Variants in ANKRD55 observed in about 807,000 individuals in gnomAD.
ANKRD55 encodes ankyrin repeat domain 55, also known as ankyrin repeat domain-containing protein 55.
ANKRD55 carries 41 observed loss-of-function variants against 60.6 expected under a neutral mutation model. The observed-to-expected ratio is 0.68, with a 90% CI of 0.53 to 0.88. ANKRD55 has a LOEUF of 0.88. Ranked by LOEUF, ANKRD55 falls within the 40% of genes least tolerant of loss-of-function variation. The probability of loss-of-function intolerance (pLI) is 0.00; values close to 1 mark genes in which losing one functional copy is unlikely to be tolerated. For synonymous variants in ANKRD55, 264 were observed against 290.3 expected, an observed-to-expected ratio of 0.91 and a Z score of 0.92; for missense variants, 732 against 767.6, an observed-to-expected ratio of 0.95 and a Z score of 0.55.
At chr5:56,130,599 T>A (rs1757383636) in intron 7 of ANKRD55, among the ~76,000 whole-genome samples, 1 of 152,188 alleles carries the variant, frequency 6.6e-6, no homozygotes, top group Admixed American at 6.5e-5. Flanking sequence ...GAAAAAATTA[T>A]AAAGCATGCC....
intron 6 of ANKRD55, among the ~76,000 whole-genome samples, chr5:56,151,892 C>CACACGTATATGTGTGTATAT (rs1257856586): frequency 2.0e-5 from 3 of 147,450 alleles, no homozygotes; most frequent in African/African-American, 7.5e-5. Flanking sequence ...CATATACATA[C>CACACGTATATGTGTGTATAT]ACACGTATAT....
intron 4 of ANKRD55, among the ~76,000 whole-genome samples, chr5:56,172,206 A>G (rs1249780443): frequency 6.6e-6 from 1 of 152,166 alleles, no homozygotes; most frequent in East Asian, 1.9e-4. Flanking sequence ...GGTTTTGAAA[A>G]GTCTGGAAGG....
At chr5:56,196,503 A>G (rs1049002107) in intron 2 of ANKRD55, among the ~76,000 whole-genome samples, 2 of 152,222 alleles carry the variant, frequency 1.3e-5, no homozygotes, top group Admixed American at 1.3e-4. Flanking sequence ...TTCCCATGTT[A>G]TAGATAAGGA....
intron 8 of ANKRD55, among the ~76,000 whole-genome samples, chr5:56,124,950 G>C (rs1216047983): frequency 6.6e-6 from 1 of 152,210 alleles, no homozygotes. Context: ...GATTGGAAAG[G>C]ACTCTTCTGG....
At chr5:56,118,094 G>T (rs1201535595) in intron 8 of ANKRD55, among the ~76,000 whole-genome samples, 1 of 151,972 alleles carries the variant, frequency 6.6e-6, no homozygotes, top group Non-Finnish European at 1.5e-5. Flanking sequence ...AGTGAGCCGA[G>T]ATCATACCAC....
At chr5:56,127,547 G>A in intron 7 of ANKRD55, 1 of 985,250 alleles carries the variant, frequency 1.0e-6, no homozygotes, top group Non-Finnish European at 1.2e-6. Context: ...ACTATGATGA[G>A]TACTGATTGG....
At chr5:56,213,426 A>G (rs1759725258) in intron 2 of ANKRD55, among the ~76,000 whole-genome samples, 2 of 152,150 alleles carry the variant, frequency 1.3e-5, no homozygotes, top group South Asian at 4.1e-4. Context: ...GACATTTTAA[A>G]TACCTTAAAA....
rs1757347836 is a variant in ANKRD55 at position 56,129,189 on chromosome 5, G to A, written c.613-2083C>T. On this transcript the variant is annotated intron_variant, in intron 7 of 11. Transcript: ENST00000341048. ...AAATATGCTTAGGCCTGGGAGGTAGGGAAAGTCACAGAGACCAGGAGACAC... is the reference window on the plus strand; with the variant it reads ...AAATATGCTTAGGCCTGGGAGGTAGAGAAAGTCACAGAGACCAGGAGACAC... 2.0e-5 allele frequency among the ~76,000 whole-genome samples: 3 copies of A among 152,166 alleles called. No homozygotes were observed. In the East Asian group the frequency reaches 5.8e-4, roughly 29 times the overall value.
Position 56,166,199 on chromosome 5 carries a change from T to TTTTC in ANKRD55, c.422+4494_422+4495insGAAA, listed in dbSNP as rs1554040822. ...CTTCCTTCCTTCCTTCCTTCCTTCC[T>TTTTC]TCTCTCTCTCTCTCTCTCTTTCTTT... On this transcript the variant is annotated intron_variant, in intron 5 of 11. Coordinates refer to ENST00000341048, the MANE Select transcript of ANKRD55 (RefSeq NM_024669.3). Among the ~76,000 whole-genome samples the TTTTC allele has an allele frequency of 7.7e-4, 74 of 96,114 alleles. 9 individuals carry two copies. Among genetic ancestry groups the TTTTC allele is most frequent in the African/African-American group, 4.2e-3 (73 of 17,190 alleles). 63.1% of individuals were successfully genotyped at this position (96,114 alleles called of 152,430 possible).
At chr5:56,139,598 A>G (rs1757699384) in intron 7 of ANKRD55, among the ~76,000 whole-genome samples, 1 of 152,182 alleles carries the variant, frequency 6.6e-6, no homozygotes, top group Non-Finnish European at 1.5e-5. Context: ...GAGAGAAGGA[A>G]TCTTTATGAT....
intron 2 of ANKRD55, among the ~76,000 whole-genome samples, chr5:56,214,914 G>A (rs1759765705): frequency 6.6e-6 from 1 of 152,156 alleles, no homozygotes; most frequent in South Asian, 2.1e-4. Context: ...TAAGTGATCA[G>A]ATGGATAAAA....
rs1561264012 is a variant in ANKRD55, at chr5:56,135,298, T to TCTTGCTTG, written c.613-8193_613-8192insCAAGCAAG. On this transcript the variant is annotated intron_variant, in intron 7 of 11. Transcript: ENST00000341048. ...TCCCTCCCTGCCTGCCTGCTTGCTT[T>TCTTGCTTG]CTTTCTTTCTTTCTTTCTTTCTTTC... is the stretch of plus-strand genomic sequence containing the variant. 1.6e-3 allele frequency among the ~76,000 whole-genome samples: 51 copies of TCTTGCTTG among 31,056 alleles called. No homozygotes were observed. In the South Asian group the frequency reaches 0.023, roughly 14 times the overall value. The allele number at this position is 31,056 out of a possible 152,430, so 20.4% of individuals were successfully genotyped here.
chr5:56,152,819 A>T (rs992557218), intron 6 of ANKRD55, among the ~76,000 whole-genome samples: 3 of 152,024 alleles, frequency 2.0e-5, no homozygotes, highest in Non-Finnish European at 2.9e-5. Context: ...ACCATATATT[A>T]AAAAAAATCT....
chr5:56,148,925 A>G (rs545260066), intron 6 of ANKRD55, among the ~76,000 whole-genome samples: 21 of 152,232 alleles, frequency 1.4e-4, no homozygotes, highest in African/African-American at 5.1e-4. Flanking sequence ...GCTTTGAAGG[A>G]TCTAGAATTT....
intron 2 of ANKRD55, chr5:56,193,442 G>T (rs1397583757): frequency 1.7e-5 from 9 of 531,082 alleles, no homozygotes; most frequent in Non-Finnish European, 2.7e-5. Flanking sequence ...GAGGGTCCTG[G>T]TTGCTGTTCC....
chr5:56,157,685 TAC>T (rs1302366183), intron 6 of ANKRD55, among the ~76,000 whole-genome samples: 3 of 152,298 alleles, frequency 2.0e-5, no homozygotes, highest in South Asian at 2.1e-4. Flanking sequence ...TTGTTTATGA[TAC>T]AGAGACATTT....
intron 6 of ANKRD55, among the ~76,000 whole-genome samples, chr5:56,159,620 T>G (rs1322120945): frequency 6.6e-6 from 1 of 152,208 alleles, no homozygotes; most frequent in Non-Finnish European, 1.5e-5. Flanking sequence ...TGCAATAAAG[T>G]CCTTCCCTAT....
chr5:56,191,549 G>A (rs1759092699), intron 2 of ANKRD55, among the ~76,000 whole-genome samples: 1 of 152,136 alleles, frequency 6.6e-6, no homozygotes, highest in African/African-American at 2.4e-5. Flanking sequence ...GTTAGAAATA[G>A]CAGTGGGTGA....
At chr5:56,108,814 G>A (rs1161303657) in intron 10 of ANKRD55, among the ~76,000 whole-genome samples, 1 of 152,136 alleles carries the variant, frequency 6.6e-6, no homozygotes, top group Admixed American at 6.5e-5. Context: ...CGAGGCGGAC[G>A]GATCACGAGG....
Sources: gnomAD v4.1 joint callset for allele counts (sites outside exome capture counted in the v4.1 genomes callset) on GRCh38, gnomAD v4.1.1 for gene constraint, MANE v1.5 for transcripts, NCBI Gene and HGNC (gene_info 2026-07-23, HGNC 2026-07-21) for gene names.